XKR4: variants seen among roughly 807,000 people sequenced by gnomAD.
XKR4 encodes XK-related protein 4.
In XKR4, 12 loss-of-function variants were observed where a neutral mutation model predicts 53.9. The observed-to-expected ratio is 0.22, with a 90% CI of 0.14 to 0.36. The LOEUF (loss-of-function observed/expected upper bound fraction) is 0.36, where lower values mean the gene tolerates loss of function less well. Ranked by LOEUF, XKR4 falls within the 10% of genes least tolerant of loss-of-function variation. The pLI, the probability that XKR4 is intolerant of heterozygous loss-of-function variation, is 1.00. For missense variants in XKR4, 799 were observed against 859.5 expected (o/e 0.93, Z 0.88); for synonymous variants, 354 against 362.4 (o/e 0.98, Z 0.26).
chr8:55,317,656 G>A (rs74831244), intron 1 of XKR4, among the ~76,000 whole-genome samples: 4 of 152,308 alleles, frequency 2.6e-5, no homozygotes, highest in African/African-American at 9.6e-5. Flanking sequence ...CTAGGCCCAG[G>A]CAGTGATGGA....
At chr8:55,500,243 A>G (rs1275311276) in intron 2 of XKR4, among the ~76,000 whole-genome samples, 5 of 151,686 alleles carry the variant, frequency 3.3e-5, no homozygotes, top group African/African-American at 1.2e-4. Context: ...AGGAAAAAAT[A>G]ATCATAATCC....
intron 1 of XKR4, among the ~76,000 whole-genome samples, chr8:55,114,519 A>G (rs572118531): frequency 5.3e-5 from 8 of 152,318 alleles, no homozygotes; most frequent in Admixed American, 1.3e-4. Flanking sequence ...GCCAAAACAC[A>G]TCATCCCAAC....
At chr8:55,261,331 A>T (rs1286925284) in intron 1 of XKR4, among the ~76,000 whole-genome samples, 1 of 152,238 alleles carries the variant, frequency 6.6e-6, no homozygotes, top group Non-Finnish European at 1.5e-5. Flanking sequence ...AGACCTAGCC[A>T]TATATAGATC....
intron 1 of XKR4, among the ~76,000 whole-genome samples, chr8:55,293,040 A>C (rs946722446): frequency 1.4e-5 from 2 of 147,332 alleles, no homozygotes; most frequent in African/African-American, 5.4e-5. Context: ...GTATTTTAAA[A>C]TCCATATAGT....
intron 2 of XKR4, among the ~76,000 whole-genome samples, chr8:55,434,427 G>GTGTGTGTGTGTGTGTT (rs559898107): frequency 9.2e-5 from 14 of 152,006 alleles, no homozygotes; most frequent in African/African-American, 2.9e-4. Flanking sequence ...GTGTGTGTGT[G>GTGTGTGTGTGTGTGTT]TGTGTGTGTG....
chr8:55,454,635 G>A, intron 2 of XKR4: 1 of 1,139,214 alleles, frequency 8.8e-7, no homozygotes, highest in Non-Finnish European at 1.3e-6. Flanking sequence ...CCCCAGCCAG[G>A]GGCACGGTGC....
intron 2 of XKR4, among the ~76,000 whole-genome samples, chr8:55,486,264 A>G (rs943052218): frequency 6.6e-6 from 1 of 151,886 alleles, no homozygotes; most frequent in Admixed American, 6.5e-5. Flanking sequence ...AAGTCTTTTG[A>G]CCAGATCTAT....
At position 55,139,074 on chromosome 8, in the gene XKR4, C is replaced by T. The variant is rs369371095; in HGVS notation, c.806+35780C>T. ...ACATGGTACCTGTGTATATTTTTTT[C>T]ATATTGGGACAAGATTCTATAAACT... On this transcript the variant is annotated intron_variant, in intron 1 of 2. Transcript: ENST00000327381. Among the ~76,000 whole-genome samples the T allele has an allele frequency of 1.1e-4, 17 of 152,164 alleles. No individual in the cohort carries two copies. In the East Asian group the frequency reaches 1.7e-3, roughly 16 times the overall value.
At chr8:55,152,749 G>A (rs941383932) in intron 1 of XKR4, among the ~76,000 whole-genome samples, 3 of 152,196 alleles carry the variant, frequency 2.0e-5, no homozygotes, top group African/African-American at 7.2e-5. Flanking sequence ...CTCTAATACA[G>A]TTCAGTCATT....
chr8:55,105,843 G>A (rs549407308), intron 1 of XKR4, among the ~76,000 whole-genome samples: 47 of 152,282 alleles, frequency 3.1e-4, no homozygotes, highest in African/African-American at 1.0e-3. Flanking sequence ...ACTCAGATGC[G>A]CTCTAATATG....
intron 1 of XKR4, among the ~76,000 whole-genome samples, chr8:55,119,776 C>T (rs917482192): frequency 6.6e-6 from 1 of 152,146 alleles, no homozygotes; most frequent in African/African-American, 2.4e-5. Flanking sequence ...ATCTTCTGAG[C>T]TTTAAAAGGC....
chr8:55,432,718 G>C (rs968706007), intron 2 of XKR4, among the ~76,000 whole-genome samples: 3 of 152,168 alleles, frequency 2.0e-5, no homozygotes, highest in African/African-American at 7.2e-5. Context: ...TCTTCTGGGA[G>C]GCCTTCTTGT....
At chr8:55,207,791 G>A (rs1233937885) in intron 1 of XKR4, among the ~76,000 whole-genome samples, 1 of 151,876 alleles carries the variant, frequency 6.6e-6, no homozygotes, top group Non-Finnish European at 1.5e-5. Context: ...TGGGGAGGGA[G>A]AATCAATTTG....
intron 1 of XKR4, among the ~76,000 whole-genome samples, chr8:55,270,497 G>A (rs1818673532): frequency 6.6e-6 from 1 of 152,120 alleles, no homozygotes; most frequent in Non-Finnish European, 1.5e-5. Flanking sequence ...TCGTGTTGTT[G>A]TCTATCTGAT....
chr8:55,345,845 G>A (rs901429213), intron 1 of XKR4, among the ~76,000 whole-genome samples: 4 of 152,146 alleles, frequency 2.6e-5, no homozygotes, highest in African/African-American at 9.7e-5. Context: ...GTGGAAGACA[G>A]CCCCAACTGT....
chr8:55,372,378 G>A (rs753942329), intron 2 of XKR4, among the ~76,000 whole-genome samples: 23 of 152,174 alleles, frequency 1.5e-4, no homozygotes, highest in African/African-American at 1.9e-4. Context: ...TAGAGCTGAC[G>A]TTTGCTTTGA....
At chr8:55,347,152 C>G (rs1337847791) in intron 1 of XKR4, among the ~76,000 whole-genome samples, 1 of 151,932 alleles carries the variant, frequency 6.6e-6, no homozygotes, top group Non-Finnish European at 1.5e-5. Context: ...TTTGACATAC[C>G]AGATGTTTGA....
At chr8:55,518,146 A>C (rs1374313568) in intron 2 of XKR4, among the ~76,000 whole-genome samples, 2 of 152,218 alleles carry the variant, frequency 1.3e-5, no homozygotes, top group Non-Finnish European at 2.9e-5. Flanking sequence ...TAGGCTGTAC[A>C]TCCTACGAAG....
intron 1 of XKR4, among the ~76,000 whole-genome samples, chr8:55,181,762 G>T (rs774859852): frequency 2.0e-5 from 3 of 152,058 alleles, no homozygotes; most frequent in African/African-American, 4.8e-5. Flanking sequence ...ACTTCATGAA[G>T]GTCAGCTGTA....
Sources: gnomAD v4.1 joint callset for allele counts (sites outside exome capture counted in the v4.1 genomes callset) on GRCh38, gnomAD v4.1.1 for gene constraint, MANE v1.5 for transcripts, NCBI Gene and HGNC (gene_info 2026-07-23, HGNC 2026-07-21) for gene names.